Variants in ENAM observed in about 807,000 individuals in gnomAD.
The protein encoded by ENAM is enamelin.
ENAM carries 21 observed loss-of-function variants against 33.6 expected under a neutral mutation model. The observed-to-expected ratio is 0.63, with a 90% confidence interval of 0.44 to 0.90. The LOEUF is 0.90. ENAM is among the 40% of genes least tolerant of loss of function. The probability of loss-of-function intolerance (pLI) is 0.00; values close to 1 mark genes in which losing one functional copy is unlikely to be tolerated. For synonymous variants in ENAM, 473 were observed against 468.4 expected, an observed-to-expected ratio of 1.01 and a Z score of -0.13; for missense variants, 1,388 against 1,366.9, an observed-to-expected ratio of 1.02 and a Z score of -0.24.
In ENAM at chr4:70,632,912, T is replaced by G. The variant is rs180890328; in HGVS notation, c.210+220T>G. 3.1e-3 allele frequency among the ~76,000 whole-genome samples: 466 copies of G among 152,226 alleles called. 1 individual carries two copies. Among genetic ancestry groups the G allele is most frequent in the Non-Finnish European group, 5.2e-3 (351 of 67,970 alleles). On this transcript the variant is annotated intron_variant, in intron 5 of 8. Coordinates refer to ENST00000396073, the MANE Select transcript of ENAM (RefSeq NM_031889.3). The stretch of plus-strand genomic sequence containing the variant: ...TCTTTCATGTAAATCAAAATAATTA[T>G]TAATGAGAAATGTTATTTATTTGAG...
At chr4:70,633,949 A>G (rs1738386794) in intron 5 of ENAM, among the ~76,000 whole-genome samples, 1 of 152,054 alleles carries the variant, frequency 6.6e-6, no homozygotes, top group South Asian at 2.1e-4. Flanking sequence ...CCAGCCTTAT[A>G]ACAAATCACA....
intron 8 of ENAM, among the ~76,000 whole-genome samples, chr4:70,638,824 G>A (rs1246301534): frequency 1.4e-5 from 2 of 141,524 alleles, no homozygotes; most frequent in Admixed American, 7.4e-5. Context: ...ACAGAGTCTC[G>A]CTCTGTCATC....
intron 7 of ENAM, among the ~76,000 whole-genome samples, chr4:70,636,184 T>C (rs1179072971): frequency 6.6e-6 from 1 of 152,136 alleles, no homozygotes; most frequent in Non-Finnish European, 1.5e-5. Flanking sequence ...TTTCCCCACA[T>C]CCTTAAGAAA....
chr4:70,635,807 A>T, intron 6 of ENAM, 25 bp from the exon 7 acceptor site: 1 of 1,464,726 alleles, frequency 6.8e-7, no homozygotes, highest in Non-Finnish European at 9.6e-7. Context: ...ATACCACATC[A>T]CTCTGATTCT....
chr4:70,636,373 G>T (rs190449719), intron 7 of ENAM, among the ~76,000 whole-genome samples: 3 of 152,218 alleles, frequency 2.0e-5, no homozygotes, highest in African/African-American at 7.2e-5. Flanking sequence ...GGTGGCTCAC[G>T]TCTGTAATCC....
rs1381075139 is a variant in ENAM at position 70,644,595 on chromosome 4, T to C, written c.3169T>C (p.Cys1057Arg). The C allele has an allele frequency of 6.2e-7, 1 of 1,613,064 alleles. No individual in the cohort carries two copies. Among genetic ancestry groups the C allele is most frequent in the African/African-American group, 1.3e-5 (1 of 74,886 alleles). The change falls in exon 9 of 9, where the codon TGC becomes CGC. Residue 1057 changes from cysteine (C) to arginine (R), a missense_variant. Cys to Arg is a radical substitution (Grantham distance 180). Transcript: ENST00000396073. ...ACCATCTAACATTCTGCATTTGCCA[T>C]GCTTTGGCTCCAAATTAGCAAAGCA... ...QRPSNILHLP[C>R]FGSKLAKHHS...
Position 70,637,854 on chromosome 4 carries a change from G to T in ENAM, c.588+11G>T. The T allele has an allele frequency of 6.3e-7, 1 of 1,596,088 alleles. No individual in the cohort carries two copies. The highest frequency in any genetic ancestry group is 1.7e-4 in the Middle Eastern group (1 of 6,006). On this transcript the variant is annotated intron_variant, in intron 8 of 8. Coordinates refer to ENST00000396073, the MANE Select transcript of ENAM (RefSeq NM_031889.3). ...AATGAAGAAGGGGGGGTAAGTACAA[G>T]TAAAACTACATTCTCCACTAGAAAT...
At chr4:70,639,287 C>T (rs972876387) in intron 8 of ENAM, among the ~76,000 whole-genome samples, 4 of 152,104 alleles carry the variant, frequency 2.6e-5, no homozygotes, top group African/African-American at 9.6e-5. Flanking sequence ...TTATCACAGG[C>T]TTTAAGAAGC....
rs1577972821 is a variant in ENAM, at chr4:70,642,833, A to G, written c.1407A>G (p.Ser469=). The G allele has an allele frequency of 5.0e-6, 8 of 1,613,874 alleles. No homozygotes were observed. Among genetic ancestry groups the G allele is most frequent in the Non-Finnish European group, 6.8e-6 (8 of 1,179,800 alleles). ...CTCAACAGTATGAAGTTAATAAATCAAATTATAAACTGCCTCACTCTGAGG... is the reference window on the plus strand; with the variant it reads ...CTCAACAGTATGAAGTTAATAAATCGAATTATAAACTGCCTCACTCTGAGG... ...RNSQQYEVNK[S]NYKLPHSEGY... is the part of the protein sequence containing the mutation. Residue 469 remains serine (S), a synonymous_variant, in exon 9 of 9, where the codon TCA becomes TCG. Transcript: ENST00000396073.
chr4:70,632,560 A>T (rs1487790541), intron 4 of ENAM, 91 bp from the exon 5 acceptor site: 1 of 1,021,268 alleles, frequency 9.8e-7, no homozygotes, highest in Non-Finnish European at 1.6e-6. Flanking sequence ...CTAAGGTTAA[A>T]AAAAGAAATT....
In ENAM at chr4:70,644,642, TC is replaced by T. The variant is rs1241082128; in HGVS notation, c.3218del (p.Pro1073HisfsTer27). 1 of 1,613,868 alleles carries T rather than the reference TC, an allele frequency of 6.2e-7. No individual in the cohort carries two copies. The highest frequency in any genetic ancestry group is 8.5e-7 in the Non-Finnish European group (1 of 1,179,950). Reference protein sequence around the residue: ...AKHHSSTTGTPSSDGRQSPFD... With the variant: ...AKHHSSTTGTXSSDGRQSPFD... Reference sequence around the variant, plus strand: ...AGCATCACTCTTCCACCACCGGAACTCCATCTAGCGATGGAAGGCAAAGCCC... The same window carrying T: ...AGCATCACTCTTCCACCACCGGAACTCATCTAGCGATGGAAGGCAAAGCCC... On this transcript the variant is annotated frameshift_variant, in exon 9 of 9. Transcript: ENST00000396073. LOFTEE classifies it high-confidence loss of function.
intron 7 of ENAM, chr4:70,637,533 G>T: frequency 2.1e-6 from 1 of 487,650 alleles, no homozygotes; most frequent in Non-Finnish European, 3.7e-6. Flanking sequence ...ATTGCCAACA[G>T]ATGCAGCCAT....
chr4:70,633,094 G>A (rs912167825), intron 5 of ENAM, among the ~76,000 whole-genome samples: 29 of 152,008 alleles, frequency 1.9e-4, no homozygotes, highest in African/African-American at 6.5e-4. Context: ...TATGAAGCAA[G>A]TTTTATGTTA....
In ENAM at chr4:70,645,287, T is replaced by C. The variant is rs1738731856; in HGVS notation, c.*432T>C. On this transcript the variant is annotated 3_prime_UTR_variant, in exon 9 of 9. Transcript: ENST00000396073. ...CCTGATGCACTGTACGTTTTTTGCT[T>C]GTGTTGATCTTGTCAGGTTTTTTTC... is the stretch of plus-strand genomic sequence containing the variant. 1 of 199,724 alleles carries C rather than the reference T, an allele frequency of 5.0e-6. No homozygotes were observed. The highest frequency in any genetic ancestry group is 2.3e-5 in the African/African-American group (1 of 43,276). The allele number at this position is 199,724 out of a possible 1,614,324, so 12.4% of individuals were successfully genotyped here.
At position 70,643,248 on chromosome 4, in the gene ENAM, C is replaced by A; in HGVS notation, c.1822C>A (p.Pro608Thr). 6.2e-7 allele frequency: 1 copy of A among 1,613,882 alleles called. No individual in the cohort carries two copies. Among genetic ancestry groups the A allele is most frequent in the South Asian group, 1.1e-5 (1 of 91,034 alleles). The change falls in exon 9 of 9, where the codon CCC becomes ACC. Residue 608 changes from proline to threonine, a missense_variant. Physicochemically the swap from Pro to Thr is conservative, Grantham distance 38. Transcript: ENST00000396073. The stretch of plus-strand genomic sequence containing the variant: ...CTACCCTGAATATAACCCATATGAT[C>A]CCAGGGAAAACTCACCATACCTTAG... ...VFYPEYNPYD[P>T]RENSPYLRGN...
In ENAM at chr4:70,631,888, G is replaced by A. The variant is rs766522165; in HGVS notation, c.163G>A (p.Glu55Lys). The A allele has an allele frequency of 3.1e-6, 5 of 1,613,716 alleles. No individual in the cohort carries two copies. The highest frequency in any genetic ancestry group is 4.2e-6 in the Non-Finnish European group (5 of 1,179,598). ...PRMPGFSSKSEEMMRYNQFNF... is the reference protein window; with the variant it reads ...PRMPGFSSKSKEMMRYNQFNF... Reference sequence around the variant, plus strand: ...AATGCCTGGATTTAGCAGTAAAAGTGAGGAGGTATGTACGTTCAGTCTCAG... The same window carrying A: ...AATGCCTGGATTTAGCAGTAAAAGTAAGGAGGTATGTACGTTCAGTCTCAG... The change falls in exon 4 of 9, where the codon GAG becomes AAG. Residue 55 changes from glutamate to lysine, a missense_variant. Coordinates refer to ENST00000396073, the MANE Select transcript of ENAM (RefSeq NM_031889.3).
At chr4:70,632,729 G>A (rs1446172470) in intron 5 of ENAM, 37 bp downstream of exon 5, 2 of 1,411,672 alleles carry the variant, frequency 1.4e-6, no homozygotes, top group Admixed American at 1.7e-5. Flanking sequence ...ATGATTTCTT[G>A]TTTATCTAGA....
At chr4:70,636,646 G>T (rs1296682435) in intron 7 of ENAM, among the ~76,000 whole-genome samples, 1 of 152,066 alleles carries the variant, frequency 6.6e-6, no homozygotes, top group East Asian at 1.9e-4. Context: ...GCAGGCACCT[G>T]TAATCCCAGA....
chr4:70,631,001 C>A (rs1003878398), intron 2 of ENAM, among the ~76,000 whole-genome samples: 2 of 152,094 alleles, frequency 1.3e-5, no homozygotes, highest in East Asian at 3.8e-4. Flanking sequence ...CTCAGCCTCC[C>A]AAAGTGATGG....
Sources: allele counts gnomAD v4.1 joint callset (sites outside exome capture counted in the v4.1 genomes callset), GRCh38; gene constraint gnomAD v4.1.1; transcripts MANE v1.5; gene names NCBI Gene and HGNC (gene_info 2026-07-23, HGNC 2026-07-21).